The following IGSF21 variants were observed in gnomAD, a reference collection of about 807,000 sequenced individuals.
IGSF21 encodes immunoglobin superfamily member 21, also known as immunoglobulin superfamily member 21.
In IGSF21, 28 loss-of-function variants were observed where a neutral mutation model predicts 46.8. The observed-to-expected ratio is 0.60, with a 90% CI of 0.44 to 0.82. The LOEUF (loss-of-function observed/expected upper bound fraction) is 0.82. Among genes scored for constraint, IGSF21 ranks in the 40% least tolerant of loss-of-function variants. The pLI is 0.00. For synonymous variants in IGSF21, 284 were observed against 273.6 expected (o/e 1.04, Z -0.38); for missense variants, 624 against 665.5 (o/e 0.94, Z 0.69).
chr1:18,172,914 G>A (rs1348513530), intron 1 of IGSF21, among the ~76,000 whole-genome samples: 1 of 152,198 alleles, frequency 6.6e-6, no homozygotes, highest in East Asian at 1.9e-4. Flanking sequence ...CCTCTGGTGT[G>A]TGTGTGTGAC....
At chr1:18,237,369 G>A (rs1371360451) in intron 2 of IGSF21, among the ~76,000 whole-genome samples, 2 of 152,126 alleles carry the variant, frequency 1.3e-5, no homozygotes, top group African/African-American at 4.8e-5. Context: ...CGAGGGGAGC[G>A]CTTCCCGTCC....
chr1:18,285,622 C>A (rs1160318545), intron 2 of IGSF21, among the ~76,000 whole-genome samples: 1 of 152,164 alleles, frequency 6.6e-6, no homozygotes, highest in Non-Finnish European at 1.5e-5. Context: ...CTCTCAGAAA[C>A]TTCTACACAG....
In IGSF21 at chr1:18,337,984, G is replaced by A. The variant is rs369866641; in HGVS notation, c.424+2974G>A. Among the ~76,000 whole-genome samples the A allele has an allele frequency of 8.5e-5, 13 of 152,106 alleles. No individual in the cohort carries two copies. The highest frequency in any genetic ancestry group is 3.9e-4 in the East Asian group (2 of 5,178). ...GGTCCTGAATGGTGAGGGGAGGGCC[G>A]GGGGAGGCGGCGTGGCTGAGTGTTT... On this transcript the variant is annotated intron_variant, in intron 4 of 9. Coordinates refer to ENST00000251296, the MANE Select transcript of IGSF21 (RefSeq NM_032880.5). The surrounding 1 kb of genome is among the most constrained non-coding windows in gnomAD (Gnocchi z 5.7).
At chr1:18,269,522 GC>G (rs1557616317) in intron 2 of IGSF21, among the ~76,000 whole-genome samples, 1 of 152,116 alleles carries the variant, frequency 6.6e-6, no homozygotes, top group Non-Finnish European at 1.5e-5. Flanking sequence ...TCTCTTCTTG[GC>G]CCAGAAGTTC....
At chr1:18,352,906 T>C (rs902751279) in intron 4 of IGSF21, among the ~76,000 whole-genome samples, 1 of 152,080 alleles carries the variant, frequency 6.6e-6, no homozygotes, top group Non-Finnish European at 1.5e-5. Context: ...ATGAACCCGC[T>C]CCACTCAGAA....
At chr1:18,329,067 G>C (rs1002306246) in intron 3 of IGSF21, among the ~76,000 whole-genome samples, 2 of 152,194 alleles carry the variant, frequency 1.3e-5, no homozygotes, top group East Asian at 3.8e-4. Flanking sequence ...TCAGAATAGA[G>C]ACACGCTCAA....
At chr1:18,228,050 G>A in intron 2 of IGSF21, 40 bp downstream of exon 2, 1 of 1,502,052 alleles carries the variant, frequency 6.7e-7, no homozygotes, top group Non-Finnish European at 9.3e-7. Flanking sequence ...CCATGGCCAG[G>A]ACTGGTGTGA....
Position 18,322,951 on chromosome 1 carries a change from G to A in IGSF21, c.306-11941G>A, listed in dbSNP as rs2085618577. ...TCAGCCAGTGAAAGATGGAGGGTGG[G>A]AATGGGGAAGCGGGTTCAGGGCCCA... On this transcript the variant is annotated intron_variant, in intron 3 of 9. Coordinates refer to ENST00000251296, the MANE Select transcript of IGSF21 (RefSeq NM_032880.5). This position sits in a 1 kb window ranked among gnomAD's most constrained non-coding sequence, Gnocchi z 4.3. Among the ~76,000 whole-genome samples the A allele has an allele frequency of 6.6e-6, 1 of 152,174 alleles. No homozygotes were observed. Among genetic ancestry groups the A allele is most frequent in the Non-Finnish European group, 1.5e-5 (1 of 68,042 alleles).
chr1:18,120,292 G>A (rs1352710852), intron 1 of IGSF21, among the ~76,000 whole-genome samples: 2 of 152,210 alleles, frequency 1.3e-5, no homozygotes, highest in Admixed American at 6.5e-5. Context: ...AGACAGCCAG[G>A]CGGCCCTGTG....
chr1:18,185,689 C>A (rs1475808217), intron 1 of IGSF21, among the ~76,000 whole-genome samples: 1 of 152,200 alleles, frequency 6.6e-6, no homozygotes, highest in African/African-American at 2.4e-5. Context: ...AGGCAAGCAA[C>A]TTTACCTCTC....
At chr1:18,364,259 C>G (rs931565472) in intron 5 of IGSF21, among the ~76,000 whole-genome samples, 4 of 151,972 alleles carry the variant, frequency 2.6e-5, no homozygotes, top group Non-Finnish European at 5.9e-5. Flanking sequence ...ATTTAAAGCA[C>G]TTTTCAAAAA....
intron 1 of IGSF21, among the ~76,000 whole-genome samples, chr1:18,199,097 C>A (rs1418648094): frequency 6.6e-6 from 1 of 152,104 alleles, no homozygotes; most frequent in Admixed American, 6.5e-5. Flanking sequence ...GGCCCATGTC[C>A]TTCTAAAGCA....
rs529927915 is a variant in IGSF21, at chr1:18,121,670, C to G, written c.70+13472C>G. Among the ~76,000 whole-genome samples the G allele has an allele frequency of 2.0e-5, 3 of 152,282 alleles. No homozygotes were observed. The East Asian group carries it at 5.8e-4, about 29-fold the overall frequency. On this transcript the variant is annotated intron_variant, in intron 1 of 9. Transcript: ENST00000251296. ...ATCCTCCACCAGCCCTGCTGTTGGC[C>G]CTGCCCCGATGCAGGTCCATCTCAG... is the stretch of plus-strand genomic sequence containing the variant.
At chr1:18,167,147 G>A (rs2086687489) in intron 1 of IGSF21, 1 of 152,526 alleles carries the variant, frequency 6.6e-6, no homozygotes, top group South Asian at 2.1e-4. Context: ...GGCTGAGCCT[G>A]AGCTTTCAGG....
intron 1 of IGSF21, among the ~76,000 whole-genome samples, chr1:18,199,563 C>G (rs2087046422): frequency 6.6e-6 from 1 of 152,106 alleles, no homozygotes; most frequent in Non-Finnish European, 1.5e-5. Context: ...GCCCTGGTGA[C>G]TCCACTGCCT....
intron 1 of IGSF21, among the ~76,000 whole-genome samples, chr1:18,212,533 G>A (rs765770774): frequency 5.3e-5 from 8 of 152,364 alleles, no homozygotes; most frequent in African/African-American, 9.6e-5. Context: ...GAGGCCCAGA[G>A]AGGAGTAGGG....
chr1:18,309,224 A>G (rs974071800), intron 3 of IGSF21, among the ~76,000 whole-genome samples: 28 of 152,140 alleles, frequency 1.8e-4, no homozygotes, highest in African/African-American at 6.5e-4. Context: ...ATGAAAGGAA[A>G]TATAAAGGCA....
chr1:18,282,325 A>AC (rs1435409880), intron 2 of IGSF21, among the ~76,000 whole-genome samples: 1 of 152,018 alleles, frequency 6.6e-6, no homozygotes, highest in East Asian at 1.9e-4. Flanking sequence ...TTCAAACCCC[A>AC]CCCCCACTCT....
chr1:18,204,876 AG>A (rs2087110539), intron 1 of IGSF21, among the ~76,000 whole-genome samples: 1 of 152,222 alleles, frequency 6.6e-6, no homozygotes, highest in African/African-American at 2.4e-5. Context: ...TGACTTGCAG[AG>A]AAAAACTACT....
Sources: allele counts gnomAD v4.1 joint callset (sites outside exome capture counted in the v4.1 genomes callset), GRCh38; gene constraint gnomAD v4.1.1; non-coding constraint Gnocchi (gnomAD v3.1); transcripts MANE v1.5; gene names NCBI Gene and HGNC (gene_info 2026-07-23, HGNC 2026-07-21).